Variants in HPSE2 observed in about 807,000 individuals in gnomAD.
HPSE2 encodes inactive heparanase-2.
A neutral mutation model predicts 60.5 loss-of-function variants in HPSE2; 38 were observed. That is an observed-to-expected ratio of 0.63 (90% confidence interval 0.48 to 0.82). HPSE2 has a LOEUF of 0.82. Ranked by LOEUF, HPSE2 falls within the 40% of genes least tolerant of loss-of-function variation. The pLI, the probability that HPSE2 is intolerant of heterozygous loss-of-function variation, is 0.00. For missense variants in HPSE2, 713 were observed against 740.4 expected (o/e 0.96, Z 0.43); for synonymous variants, 295 against 293.2 (o/e 1.01, Z -0.06).
chr10:98,679,420 G>A (rs1354688277), intron 6 of HPSE2, among the ~76,000 whole-genome samples: 1 of 152,118 alleles, frequency 6.6e-6, no homozygotes, highest in African/African-American at 2.4e-5. Flanking sequence ...ATGTGACAAT[G>A]TCATTGCTCT....
In HPSE2 at chr10:98,459,628, G is replaced by A. The variant is rs373037328; in HGVS notation, c.1725C>T (p.Thr575=). The A allele has an allele frequency of 5.0e-6, 8 of 1,614,170 alleles. No individual in the cohort carries two copies. Among genetic ancestry groups the A allele is most frequent in the Admixed American group, 1.7e-5 (1 of 60,026 alleles). ...CATTCTTGACCACATAAAAGCCCAT[G>A]GTGACTGGAGGGATGACCAATGTCC... ...AGRTLVIPPV[T]MGFYVVKNVN... is the part of the protein sequence containing the mutation. Residue 575 remains threonine (T), a synonymous_variant, in exon 12 of 12, where the codon ACC becomes ACT. Coordinates refer to ENST00000370552, the MANE Select transcript of HPSE2 (RefSeq NM_021828.5).
chr10:98,868,659 T>A (rs996573843), intron 3 of HPSE2, among the ~76,000 whole-genome samples: 5 of 152,150 alleles, frequency 3.3e-5, no homozygotes, highest in African/African-American at 1.2e-4. Context: ...TAAAAAATTT[T>A]AAAAAATTTA....
rs1358499229 is a variant in HPSE2, at chr10:98,985,600, C to T, written c.610+158638G>A. Among the ~76,000 whole-genome samples, 10 of 152,262 alleles carry T rather than the reference C, an allele frequency of 6.6e-5. 1 individual carries two copies. The East Asian group carries it at 1.5e-3, about 24-fold the overall frequency. On this transcript the variant is annotated intron_variant, in intron 3 of 11. Coordinates refer to ENST00000370552, the MANE Select transcript of HPSE2 (RefSeq NM_021828.5). Reference sequence around the variant, plus strand: ...TGCATCAACTAACGAGCAAAATAACCAGCTAACATCATAATGACAGGATCA... The same window carrying T: ...TGCATCAACTAACGAGCAAAATAACTAGCTAACATCATAATGACAGGATCA...
At chr10:99,302,876 G>T in the HPSE2 span, among the ~76,000 whole-genome samples, 1 of 150,778 alleles carries the variant, frequency 6.6e-6, no homozygotes, top group African/African-American at 2.4e-5. Context: ...ACCCTGGGGA[G>T]GACTGGCAAC....
chr10:98,764,493 T>A (rs1392754032), intron 3 of HPSE2, among the ~76,000 whole-genome samples: 1 of 152,164 alleles, frequency 6.6e-6, no homozygotes, highest in Non-Finnish European at 1.5e-5. Context: ...ATTTGATTTT[T>A]AAAAATAAAT....
intron 3 of HPSE2, among the ~76,000 whole-genome samples, chr10:98,752,642 G>C (rs1949785511): frequency 6.6e-6 from 1 of 152,038 alleles, no homozygotes; most frequent in African/African-American, 2.4e-5. Flanking sequence ...AGGGTATAGG[G>C]GACATAGATA....
intron 3 of HPSE2, among the ~76,000 whole-genome samples, chr10:98,839,862 G>A (rs781492422): frequency 5.9e-5 from 9 of 152,264 alleles, no homozygotes; most frequent in Non-Finnish European, 7.4e-5. Flanking sequence ...AGGAGAGAGT[G>A]ATGATGATAA....
At chr10:98,504,037 T>C (rs1291011539) in intron 9 of HPSE2, among the ~76,000 whole-genome samples, 1 of 152,210 alleles carries the variant, frequency 6.6e-6, no homozygotes, top group African/African-American at 2.4e-5. Flanking sequence ...CTTATTTAGA[T>C]TTTTTTGGAT....
Position 98,482,352 on chromosome 10 carries a change from T to G in HPSE2, c.1613+284A>C, listed in dbSNP as rs35344122. ...GGATGCTAAACAGCTTACAATGTGA[T>G]AGTTGTGTATAACGAAGAATCATCT... On this transcript the variant is annotated intron_variant, in intron 11 of 11. Coordinates refer to ENST00000370552, the MANE Select transcript of HPSE2 (RefSeq NM_021828.5). Among the ~76,000 whole-genome samples the G allele has an allele frequency of 0.2, 30,933 of 152,184 alleles. 3,568 individuals are homozygous for G. Among genetic ancestry groups the G allele is most frequent in the African/African-American group, 0.3 (12,589 of 41,482 alleles).
At chr10:98,854,093 A>G (rs1046397328) in intron 3 of HPSE2, among the ~76,000 whole-genome samples, 2 of 152,186 alleles carry the variant, frequency 1.3e-5, no homozygotes, top group Non-Finnish European at 2.9e-5. Flanking sequence ...TGGGAAAAGA[A>G]GATCTACAGT....
At chr10:99,292,422 G>C in the HPSE2 span, among the ~76,000 whole-genome samples, 1 of 152,176 alleles carries the variant, frequency 6.6e-6, no homozygotes, top group Non-Finnish European at 1.5e-5. Context: ...TTTAGTTGGA[G>C]GGAGGACATA....
At chr10:99,058,438 T>C (rs747513137) in intron 3 of HPSE2, among the ~76,000 whole-genome samples, 4 of 152,212 alleles carry the variant, frequency 2.6e-5, no homozygotes, top group Non-Finnish European at 5.9e-5. Flanking sequence ...AAACGTTTCC[T>C]GTACCAAGGA....
intron 3 of HPSE2, among the ~76,000 whole-genome samples, chr10:99,015,481 T>G (rs1251290610): frequency 2.0e-5 from 3 of 152,226 alleles, no homozygotes; most frequent in Non-Finnish European, 2.9e-5. Flanking sequence ...TGGAATACTA[T>G]GCAGCCATAA....
intron 2 of HPSE2, among the ~76,000 whole-genome samples, chr10:99,154,509 A>G (rs1413776339): frequency 1.4e-5 from 2 of 140,994 alleles, no homozygotes; most frequent in South Asian, 2.5e-4. Flanking sequence ...ACTAAGCTTC[A>G]TAAGTGAAGG....
At chr10:99,102,600 GA>G (rs1258958853) in intron 3 of HPSE2, among the ~76,000 whole-genome samples, 1 of 152,086 alleles carries the variant, frequency 6.6e-6, no homozygotes, top group Non-Finnish European at 1.5e-5. Context: ...CCAATCAATA[GA>G]AAAAGAGGGA....
intron 3 of HPSE2, among the ~76,000 whole-genome samples, chr10:99,042,904 C>T (rs1957772415): frequency 6.6e-6 from 1 of 152,100 alleles, no homozygotes; most frequent in African/African-American, 2.4e-5. Context: ...GCCTTAAGCG[C>T]CATCTACTGG....
chr10:99,218,519 T>A (rs1849210224), intron 2 of HPSE2, among the ~76,000 whole-genome samples: 3 of 152,116 alleles, frequency 2.0e-5, no homozygotes, highest in African/African-American at 7.2e-5. Context: ...AAACCTGTGG[T>A]TATAACTTCT....
intron 3 of HPSE2, among the ~76,000 whole-genome samples, chr10:98,958,000 C>T (rs1395881949): frequency 6.6e-6 from 1 of 152,124 alleles, no homozygotes; most frequent in Non-Finnish European, 1.5e-5. Context: ...AAGGGAACAG[C>T]TGGAGAGGTT....
intron 9 of HPSE2, among the ~76,000 whole-genome samples, chr10:98,602,139 A>G (rs1945445015): frequency 6.6e-6 from 1 of 152,130 alleles, no homozygotes; most frequent in Non-Finnish European, 1.5e-5. Flanking sequence ...TCCTATTTTT[A>G]ATGAACAAAA....
Sources: allele counts gnomAD v4.1 joint callset (sites outside exome capture counted in the v4.1 genomes callset), GRCh38; gene constraint gnomAD v4.1.1; transcripts MANE v1.5; gene names NCBI Gene and HGNC (gene_info 2026-07-23, HGNC 2026-07-21).